The following HHLA2 variants were observed in gnomAD, a reference collection of about 807,000 sequenced individuals.
HHLA2 encodes HERV-H LTR-associating protein 2.
A neutral mutation model predicts 45.9 loss-of-function variants in HHLA2; 48 were observed. The ratio of observed to expected loss-of-function variants is 1.05; its 90% CI spans 0.83 to 1.33. The LOEUF (loss-of-function observed/expected upper bound fraction) is 1.33. HHLA2 is among the 40% of genes most tolerant of loss of function. The probability of loss-of-function intolerance (pLI) is 0.00; values close to 1 mark genes in which losing one functional copy is unlikely to be tolerated. For synonymous variants in HHLA2, 161 were observed against 173.9 expected, an observed-to-expected ratio of 0.93 and a Z score of 0.59; for missense variants, 462 against 494.3, an observed-to-expected ratio of 0.93 and a Z score of 0.62.
At chr3:108,307,092 G>A (rs2080942816) in intron 1 of HHLA2, among the ~76,000 whole-genome samples, 1 of 151,826 alleles carries the variant, frequency 6.6e-6, no homozygotes, top group East Asian at 1.9e-4. Context: ...CTGACCTCAG[G>A]TGACCTCAGG....
At chr3:108,335,517 T>G (rs908211293) in intron 3 of HHLA2, among the ~76,000 whole-genome samples, 10 of 152,212 alleles carry the variant, frequency 6.6e-5, no homozygotes, top group African/African-American at 2.4e-4. Context: ...CATGTCATTG[T>G]AACTTTACCT....
chr3:108,370,964 G>A (rs1010714944), intron 8 of HHLA2, among the ~76,000 whole-genome samples: 17 of 152,132 alleles, frequency 1.1e-4, no homozygotes, highest in Admixed American at 5.2e-4. Flanking sequence ...TCAAATTCAG[G>A]AAATACAGAG....
At position 108,376,476 on chromosome 3, in the gene HHLA2, CT is replaced by C. The variant is rs573785338; in HGVS notation, c.1160-8del. ...TGCAAAGAAATTATTTTTAAGTTCTCTTTTTTTTTCCTGTAGAAAGATGTTG... is the reference window on the plus strand; with the variant it reads ...TGCAAAGAAATTATTTTTAAGTTCTCTTTTTTTTCCTGTAGAAAGATGTTG... On this transcript the variant is annotated splice_polypyrimidine_tract_variant and intron_variant, in intron 9 of 10. Transcript: ENST00000619531. 1.8e-4 allele frequency: 274 copies of C among 1,561,248 alleles called. No individual in the cohort carries two copies. Among genetic ancestry groups the C allele is most frequent in the Admixed American group, 5.8e-4 (31 of 53,546 alleles).
At chr3:108,315,823 T>A (rs1371657511) in intron 2 of HHLA2, among the ~76,000 whole-genome samples, 1 of 152,240 alleles carries the variant, frequency 6.6e-6, no homozygotes, top group Non-Finnish European at 1.5e-5. Flanking sequence ...TTCAAACATC[T>A]ACCTGGCCCT....
In HHLA2 at chr3:108,358,167, T is replaced by G; in HGVS notation, c.1003+6T>G. On this transcript the variant is annotated splice_donor_region_variant and intron_variant, in intron 7 of 10. Coordinates refer to ENST00000619531, the Ensembl canonical transcript of HHLA2. ...CATCCACACAGTGCATGTAGGTAAGTTGCAAGTAGGTTTGGATAATGGGTT... is the reference window on the plus strand; with the variant it reads ...CATCCACACAGTGCATGTAGGTAAGGTGCAAGTAGGTTTGGATAATGGGTT... 1 of 1,589,594 alleles carries G rather than the reference T, an allele frequency of 6.3e-7. No homozygotes were observed. The highest frequency in any genetic ancestry group is 8.6e-7 in the Non-Finnish European group (1 of 1,165,204).
chr3:108,325,134 C>T (rs150766306), intron 2 of HHLA2, among the ~76,000 whole-genome samples: 1 of 151,004 alleles, frequency 6.6e-6, no homozygotes, highest in South Asian at 2.1e-4. Context: ...TATTTAAAAT[C>T]TTATTATTGT....
intron 6 of HHLA2, among the ~76,000 whole-genome samples, chr3:108,356,253 A>G (rs765911866): frequency 1.3e-5 from 2 of 151,994 alleles, no homozygotes; most frequent in Non-Finnish European, 2.9e-5. Context: ...GCTGGTCTCG[A>G]ACTTCTGACC....
At position 108,307,889 on chromosome 3, in the gene HHLA2, C is replaced by T. The variant is rs529124011; in HGVS notation, c.-191-2766C>T. ...TTTTCAATTTTAATTTTTGTGGGTA[C>T]ATAACAGGTATATATATGTATGAGA... On this transcript the variant is annotated intron_variant, in intron 1 of 10. Coordinates refer to ENST00000619531, the Ensembl canonical transcript of HHLA2. 4.0e-5 allele frequency among the ~76,000 whole-genome samples: 6 copies of T among 151,890 alleles called. 1 individual carries two copies. The highest frequency in any genetic ancestry group is 2.0e-4 in the Admixed American group (3 of 15,258).
At position 108,353,402 on chromosome 3, in the gene HHLA2, A is replaced by G. The variant is rs576770303; in HGVS notation, c.65-25A>G. ...CAAGCACATGGCATTAATTCTCTTT[A>G]TAACTTCTCTGCTCTTGACTGTAGG... On this transcript the variant is annotated intron_variant, in intron 4 of 10. Transcript: ENST00000619531. 2.8e-6 allele frequency: 4 copies of G among 1,452,974 alleles called. No homozygotes were observed. In the South Asian group the frequency reaches 5.1e-5, roughly 19 times the overall value. 90.0% of individuals were successfully genotyped at this position (1,452,974 alleles called of 1,614,324 possible). A position where few individuals can be genotyped will look rare whatever the true frequency, so the allele number is the denominator to read the frequency against.
chr3:108,349,515 C>A (rs1003403888), intron 3 of HHLA2, among the ~76,000 whole-genome samples: 21 of 152,128 alleles, frequency 1.4e-4, no homozygotes, highest in Middle Eastern at 3.4e-3. Context: ...GCCTACCAAC[C>A]AAAAAAAGTC....
At chr3:108,354,198 A>G (rs1336323375) in intron 5 of HHLA2, among the ~76,000 whole-genome samples, 2 of 152,128 alleles carry the variant, frequency 1.3e-5, no homozygotes, top group African/African-American at 4.8e-5. Context: ...ATTTTTCTAT[A>G]TTATAAATGA....
At chr3:108,348,058 G>C (rs1434388031) in intron 3 of HHLA2, among the ~76,000 whole-genome samples, 1 of 152,076 alleles carries the variant, frequency 6.6e-6, no homozygotes, top group Non-Finnish European at 1.5e-5. Context: ...TGATCCAGTA[G>C]ATAAGTTTGA....
intron 1 of HHLA2, among the ~76,000 whole-genome samples, chr3:108,306,487 G>A (rs1472817834): frequency 1.3e-5 from 2 of 152,010 alleles, no homozygotes; most frequent in African/African-American, 4.8e-5. Context: ...GGGCCTGCTC[G>A]AGCTCTCCCT....
chr3:108,338,644 A>G (rs2081514528), intron 3 of HHLA2, among the ~76,000 whole-genome samples: 1 of 152,186 alleles, frequency 6.6e-6, no homozygotes, highest in Admixed American at 6.5e-5. Flanking sequence ...TAGCAGAAAG[A>G]GCCCTTGTTT....
intron 3 of HHLA2, among the ~76,000 whole-genome samples, chr3:108,347,296 T>C (rs1177469341): frequency 6.6e-6 from 1 of 152,226 alleles, no homozygotes; most frequent in Non-Finnish European, 1.5e-5. Context: ...TTATCTTAGA[T>C]GATAAATGGG....
chr3:108,309,859 G>A (rs1451936827), intron 1 of HHLA2, among the ~76,000 whole-genome samples: 1 of 152,128 alleles, frequency 6.6e-6, no homozygotes, highest in East Asian at 1.9e-4. Context: ...GGGAAATTAA[G>A]CTGCCCACCT....
chr3:108,317,256 T>C lies in HHLA2; in HGVS notation c.-105+6515T>C, dbSNP rs573884702. ...TTTAACGAATCTGTAGAAGTGGATA[T>C]ACGGTGTGCAACTAGGATCTCTGTG... On this transcript the variant is annotated intron_variant, in intron 2 of 10. Coordinates refer to ENST00000619531, the Ensembl canonical transcript of HHLA2. Among the ~76,000 whole-genome samples the C allele has an allele frequency of 3.9e-5, 6 of 152,356 alleles. No homozygotes were observed. In the South Asian group the frequency reaches 1.2e-3, roughly 32 times the overall value.
chr3:108,351,358 GC>G (rs1346032141), intron 3 of HHLA2, among the ~76,000 whole-genome samples: 1 of 152,130 alleles, frequency 6.6e-6, no homozygotes, highest in East Asian at 1.9e-4. Flanking sequence ...TATCATAAAA[GC>G]AAATGTGTCC....
chr3:108,375,539 G>T (rs1352724443), intron 8 of HHLA2, among the ~76,000 whole-genome samples: 1 of 151,584 alleles, frequency 6.6e-6, no homozygotes, highest in Admixed American at 6.6e-5. Context: ...AAAAACTAGA[G>T]AAGCAAGAGC....
Sources: allele counts gnomAD v4.1 joint callset (sites outside exome capture counted in the v4.1 genomes callset), GRCh38; gene constraint gnomAD v4.1.1; transcripts MANE v1.5; gene names NCBI Gene and HGNC (gene_info 2026-07-23, HGNC 2026-07-21).